The following FAM107B variants were observed in gnomAD, a reference collection of about 807,000 sequenced individuals.
FAM107B encodes protein FAM107B.
Under a neutral mutation model 31.5 loss-of-function variants are expected in FAM107B, and 21 were observed. That is an observed-to-expected ratio of 0.67 (90% CI 0.47 to 0.96). FAM107B has a LOEUF of 0.96. FAM107B is among the 40% of genes least tolerant of loss of function. FAM107B has a pLI of 0.00. For missense variants in FAM107B, 452 were observed against 377.1 expected (o/e 1.20, Z -1.64); for synonymous variants, 157 against 141.5 (o/e 1.11, Z -0.78).
At chr10:14,570,847 T>C (rs911980235) in intron 2 of FAM107B, among the ~76,000 whole-genome samples, 1 of 141,356 alleles carries the variant, frequency 7.1e-6, no homozygotes, top group Non-Finnish European at 1.5e-5. Flanking sequence ...CAGTGTTTTG[T>C]TGTGGTCATG....
chr10:14,532,035 C>T (rs1847080160), intron 2 of FAM107B, among the ~76,000 whole-genome samples: 1 of 152,238 alleles, frequency 6.6e-6, no homozygotes, highest in Non-Finnish European at 1.5e-5. Context: ...TCAATAGGCA[C>T]CGGACCCAGG....
chr10:14,580,988 G>A (rs1163368770), intron 2 of FAM107B, among the ~76,000 whole-genome samples: 1 of 152,204 alleles, frequency 6.6e-6, no homozygotes, highest in Non-Finnish European at 1.5e-5. Flanking sequence ...GAATGCACCT[G>A]AAGTTACAGC....
At chr10:14,650,568 G>A (rs1853873035) in intron 2 of FAM107B, among the ~76,000 whole-genome samples, 2 of 152,222 alleles carry the variant, frequency 1.3e-5, no homozygotes, top group Admixed American at 1.3e-4. Flanking sequence ...TTACAGGCAT[G>A]AGCCACCGCG....
In FAM107B at chr10:14,745,603, G is replaced by C. The variant is rs1037357556; in HGVS notation, c.411+28650C>G. Among the ~76,000 whole-genome samples, 4 of 152,154 alleles carry C rather than the reference G, an allele frequency of 2.6e-5. No homozygotes were observed. In the East Asian group the frequency reaches 7.7e-4, roughly 29 times the overall value. On this transcript the variant is annotated intron_variant, in intron 1 of 4. Transcript: ENST00000181796. The stretch of plus-strand genomic sequence containing the variant: ...CAAATTGTTCGATTTCCATGTAGTT[G>C]TGTGGTTTTGAGTGAGTTTCTTAAT...
chr10:14,752,669 C>T (rs1832853709), intron 1 of FAM107B, among the ~76,000 whole-genome samples: 1 of 152,184 alleles, frequency 6.6e-6, no homozygotes, highest in Non-Finnish European at 1.5e-5. Flanking sequence ...TGGTGGTTCA[C>T]ACCTGTAATC....
At chr10:14,570,022 T>C (rs778579799) in intron 2 of FAM107B, among the ~76,000 whole-genome samples, 43 of 152,300 alleles carry the variant, frequency 2.8e-4, no homozygotes, top group Middle Eastern at 3.4e-3. Flanking sequence ...TCATGAGCCA[T>C]AGAAAGGGAA....
chr10:14,535,363 A>C (rs1847498888), intron 2 of FAM107B, among the ~76,000 whole-genome samples: 1 of 152,224 alleles, frequency 6.6e-6, no homozygotes, highest in Non-Finnish European at 1.5e-5. Context: ...CCCTGGCACA[A>C]ACATGAGAAC....
chr10:14,772,384 C>T (rs897947664), intron 1 of FAM107B, among the ~76,000 whole-genome samples: 5 of 146,156 alleles, frequency 3.4e-5, no homozygotes, highest in Admixed American at 2.0e-4. Flanking sequence ...TATATATGCA[C>T]CTCACTGTCA....
At chr10:14,572,760 T>TG (rs1554835532) in intron 2 of FAM107B, among the ~76,000 whole-genome samples, 8,333 of 136,664 alleles carry the variant, frequency 0.061, 410 homozygotes, top group East Asian at 0.12. Flanking sequence ...TATATATATA[T>TG]TAGAGTGTGT....
chr10:14,591,791 A>G (rs1852028589), intron 2 of FAM107B, among the ~76,000 whole-genome samples: 1 of 152,202 alleles, frequency 6.6e-6, no homozygotes. Context: ...AACACTGCAC[A>G]TGAATCTGAT....
chr10:14,683,762 G>A (rs773277906), intron 1 of FAM107B, among the ~76,000 whole-genome samples: 4 of 152,086 alleles, frequency 2.6e-5, no homozygotes, highest in South Asian at 4.1e-4. Context: ...AACACTTGTC[G>A]AATGAATGCA....
intron 2 of FAM107B, among the ~76,000 whole-genome samples, chr10:14,626,132 A>G (rs1334298974): frequency 6.6e-6 from 1 of 152,178 alleles, no homozygotes; most frequent in Non-Finnish European, 1.5e-5. Context: ...ATCTTCTCTT[A>G]TGGTAATGAT....
At chr10:14,663,440 T>G (rs887719852) in intron 2 of FAM107B, 2 of 152,260 alleles carry the variant, frequency 1.3e-5, no homozygotes, top group African/African-American at 4.8e-5. Context: ...CCAACCCTGC[T>G]TAGCTTCCGA....
At chr10:14,759,180 A>AT (rs1357534933) in intron 1 of FAM107B, among the ~76,000 whole-genome samples, 14 of 140,676 alleles carry the variant, frequency 1.0e-4, no homozygotes, top group Middle Eastern at 3.5e-3. Context: ...CTCTGTCTCA[A>AT]AAAATAAATA....
At chr10:14,594,242 C>T (rs781495425) in intron 2 of FAM107B, among the ~76,000 whole-genome samples, 2 of 152,158 alleles carry the variant, frequency 1.3e-5, no homozygotes, top group Non-Finnish European at 1.5e-5. Context: ...CAGCCAGGCA[C>T]GGTGGCTCAC....
At chr10:14,658,198 C>T (rs1274386997) in intron 2 of FAM107B, among the ~76,000 whole-genome samples, 1 of 152,140 alleles carries the variant, frequency 6.6e-6, no homozygotes, top group Admixed American at 6.5e-5. Context: ...ATTCTTTAGA[C>T]TAAAATACAA....
At chr10:14,724,116 G>T in intron 1 of FAM107B, 1 of 563,586 alleles carries the variant, frequency 1.8e-6, no homozygotes. Flanking sequence ...GGACTCCTCT[G>T]TGGGTAGCGC....
In FAM107B at chr10:14,570,217, C is replaced by T. The variant is rs77373213; in HGVS notation, c.470-39702G>A. Among the ~76,000 whole-genome samples the T allele has an allele frequency of 6.9e-5, 10 of 144,890 alleles. No individual in the cohort carries two copies. The East Asian group carries it at 1.9e-3, about 27-fold the overall frequency. ...TGAAACGACATTGAAAACGTACCTA[C>T]CAAAAAAATGTGGTGGGTGTGTGTG... On this transcript the variant is annotated intron_variant, in intron 2 of 4. Transcript: ENST00000181796.
intron 1 of FAM107B, among the ~76,000 whole-genome samples, chr10:14,761,095 A>T (rs950887917): frequency 6.6e-6 from 1 of 152,078 alleles, no homozygotes; most frequent in Admixed American, 6.5e-5. Context: ...TAATTTAATC[A>T]GGAACACATA....
Sources: allele counts gnomAD v4.1 joint callset (sites outside exome capture counted in the v4.1 genomes callset), GRCh38; gene constraint gnomAD v4.1.1; transcripts MANE v1.5; gene names NCBI Gene and HGNC (gene_info 2026-07-23, HGNC 2026-07-21).